TTC17: variants seen among roughly 807,000 people sequenced by gnomAD.
The protein encoded by TTC17 is tetratricopeptide repeat domain 17.
Under a neutral mutation model 143.8 loss-of-function variants are expected in TTC17, and 58 were observed. That is an observed-to-expected ratio of 0.40 (90% CI 0.33 to 0.50). TTC17 has a LOEUF of 0.50. Among genes scored for constraint, TTC17 ranks in the 20% least tolerant of loss-of-function variants. The pLI, the probability that TTC17 is intolerant of heterozygous loss-of-function variation, is 0.49. For synonymous variants in TTC17, 501 were observed against 497.8 expected (o/e 1.01, Z -0.09); for missense variants, 1,273 against 1,392.5 (o/e 0.91, Z 1.37).
At chr11:43,450,333 T>A (rs1947633359) in intron 20 of TTC17, 92 bp downstream of exon 20, 23 of 1,337,544 alleles carry the variant, frequency 1.7e-5, no homozygotes, top group Admixed American at 3.2e-5. Flanking sequence ...CCGGGCCTTT[T>A]AAAAAAAAAT....
intron 21 of TTC17, among the ~76,000 whole-genome samples, chr11:43,485,675 G>A (rs1016449343): frequency 6.6e-6 from 1 of 152,058 alleles, no homozygotes; most frequent in African/African-American, 2.4e-5. Flanking sequence ...AGTGATATGT[G>A]TGATGAATAA....
chr11:43,381,063 T>G (rs767307891), intron 2 of TTC17, among the ~76,000 whole-genome samples: 3 of 152,112 alleles, frequency 2.0e-5, no homozygotes, highest in Non-Finnish European at 2.9e-5. Context: ...GAGATTTAAA[T>G]TGGAGGATAT....
At chr11:43,446,023 T>A (rs1162884058) in intron 18 of TTC17, 1 of 1,532,564 alleles carries the variant, frequency 6.5e-7, no homozygotes, top group African/African-American at 1.4e-5. Context: ...GATATCCTTG[T>A]GAACCAGATG....
chr11:43,434,610 A>T (rs1005435552), intron 16 of TTC17, among the ~76,000 whole-genome samples: 1 of 152,200 alleles, frequency 6.6e-6, no homozygotes, highest in African/African-American at 2.4e-5. Context: ...CTTCCATTTC[A>T]TGTAGTTCCC....
intron 5 of TTC17, among the ~76,000 whole-genome samples, chr11:43,395,093 GT>G (rs1292642774): frequency 2.7e-5 from 4 of 149,472 alleles, no homozygotes; most frequent in Non-Finnish European, 5.9e-5. Flanking sequence ...AGTAGTTCAT[GT>G]AGAACTTTTT....
chr11:43,455,119 G>A (rs1590450629), intron 21 of TTC17, among the ~76,000 whole-genome samples: 1 of 151,316 alleles, frequency 6.6e-6, no homozygotes, highest in East Asian at 1.9e-4. Context: ...CAATATAAAA[G>A]CCCTCCTACC....
intron 1 of TTC17, among the ~76,000 whole-genome samples, chr11:43,374,801 T>A (rs1246959091): frequency 6.6e-6 from 1 of 151,220 alleles, no homozygotes; most frequent in East Asian, 1.9e-4. Flanking sequence ...ATGGAAGTCT[T>A]ATACACAGTT....
chr11:43,379,390 A>C, intron 2 of TTC17, 68 bp downstream of exon 2: 1 of 1,405,608 alleles, frequency 7.1e-7, no homozygotes, highest in East Asian at 2.3e-5. Flanking sequence ...TTGTGTTCAA[A>C]GAAAAGCTAA....
chr11:43,397,881 G>A (rs943938940), intron 7 of TTC17, 93 bp from the exon 8 acceptor site: 98 of 1,519,326 alleles, frequency 6.5e-5, no homozygotes, highest in Admixed American at 4.5e-4. Flanking sequence ...CAACCAGGCC[G>A]TGGCTAACAT....
At chr11:43,397,252 T>A (rs2134552169) in intron 6 of TTC17, 95 bp from the exon 7 acceptor site, 1 of 1,349,856 alleles carries the variant, frequency 7.4e-7, no homozygotes, top group Non-Finnish European at 1.0e-6. Flanking sequence ...TTTCTCCACC[T>A]ATATCTTAGT....
rs1259153404 is a variant in TTC17 at position 43,419,947 on chromosome 11, A to AAAATCCTGAGATGCAGGT, written c.2251+5173_2251+5190dup. Among the ~76,000 whole-genome samples, 7 of 152,366 alleles carry AAAATCCTGAGATGCAGGT rather than the reference A, an allele frequency of 4.6e-5. No homozygotes were observed. In the South Asian group the frequency reaches 1.5e-3, roughly 32 times the overall value. On this transcript the variant is annotated intron_variant, in intron 16 of 23. Transcript: ENST00000039989. ...AACTGGTTGATGTATTGCAGATTTT[A>AAAATCCTGAGATGCAGGT]AAATCCTGAGATGCAGGTATATCCT...
intron 5 of TTC17, among the ~76,000 whole-genome samples, chr11:43,395,929 A>G (rs1857572514): frequency 6.6e-6 from 1 of 152,290 alleles, no homozygotes; most frequent in East Asian, 1.9e-4. Flanking sequence ...ATACATTTTT[A>G]ATAGTAGAAT....
In TTC17 at chr11:43,401,473, A is replaced by G; in HGVS notation, c.1247A>G (p.Asn416Ser). The G allele has an allele frequency of 6.2e-7, 1 of 1,612,836 alleles. No individual in the cohort carries two copies. Among genetic ancestry groups the G allele is most frequent in the South Asian group, 1.1e-5 (1 of 90,724 alleles). Residue 416 changes from asparagine (N) to serine (S), a missense_variant, in exon 10 of 24, where the codon AAC becomes AGC. Transcript: ENST00000039989. ...LGNHQICRLV[N>S]QQHSLHCQWD... The stretch of plus-strand genomic sequence containing the variant: ...AATCATCAGATATGCCGACTGGTCA[A>G]CCAGCAGCATAGTTTACATTGCCAG...
chr11:43,446,132 CT>C, intron 18 of TTC17: 1 of 1,379,688 alleles, frequency 7.2e-7, no homozygotes, highest in Admixed American at 2.9e-5. Flanking sequence ...TCTGTGTACC[CT>C]TCAACACCAT....
chr11:43,380,122 C>T (rs1394899777), intron 2 of TTC17, among the ~76,000 whole-genome samples: 1 of 152,098 alleles, frequency 6.6e-6, no homozygotes, highest in Non-Finnish European at 1.5e-5. Flanking sequence ...TAAGATCATC[C>T]TCATTTTAGA....
chr11:43,409,548 TA>T lies in TTC17; in HGVS notation c.2064+1972del, dbSNP rs368707898. ...GGCACAATACTAAGCATCTTACATG[TA>T]GTAACTAATTTAATCCTCATAACAA... is the stretch of plus-strand genomic sequence containing the variant. On this transcript the variant is annotated intron_variant, in intron 15 of 23. Transcript: ENST00000039989. Among the ~76,000 whole-genome samples, 113 of 152,338 alleles carry T rather than the reference TA, an allele frequency of 7.4e-4. 2 individuals are homozygous for T. In the East Asian group the frequency reaches 0.02, roughly 27 times the overall value.
intron 18 of TTC17, chr11:43,447,570 C>T (rs1405338391): frequency 6.1e-6 from 1 of 163,578 alleles, no homozygotes; most frequent in Non-Finnish European, 1.3e-5. Context: ...CAGGACAGGT[C>T]CCTCAAAAAA....
intron 1 of TTC17, among the ~76,000 whole-genome samples, chr11:43,371,506 A>G (rs1856566484): frequency 6.6e-6 from 1 of 152,226 alleles, no homozygotes. Flanking sequence ...GTATGGGGCA[A>G]AGGGTGTAGA....
intron 11 of TTC17, 134 bp from the exon 12 acceptor site, chr11:43,405,380 A>G: frequency 1.4e-6 from 1 of 699,084 alleles, no homozygotes; most frequent in Non-Finnish European, 2.4e-6. Context: ...TAGCAGGAAT[A>G]TTATAGAGTC....
Sources: allele counts gnomAD v4.1 joint callset (sites outside exome capture counted in the v4.1 genomes callset), GRCh38; gene constraint gnomAD v4.1.1; transcripts MANE v1.5; gene names NCBI Gene and HGNC (gene_info 2026-07-23, HGNC 2026-07-21).